Variants in FN3K observed in about 807,000 individuals in gnomAD.
The protein encoded by FN3K is fructosamine-3-kinase.
Under a neutral mutation model 24.8 loss-of-function variants are expected in FN3K, and 24 were observed. The ratio of observed to expected loss-of-function variants is 0.97; its 90% confidence interval spans 0.70 to 1.36. The LOEUF is 1.36. Among genes scored for constraint, FN3K ranks in the 40% most tolerant of loss-of-function variants. The pLI is 0.00. For missense variants in FN3K, 449 were observed against 416.7 expected, an observed-to-expected ratio of 1.08 and a Z score of -0.67; for synonymous variants, 192 against 175.2, an observed-to-expected ratio of 1.10 and a Z score of -0.76.
At position 82,751,097 on chromosome 17, in the gene FN3K, TCCCCGTC is replaced by T. The variant is rs1402904888; in HGVS notation, c.*353_*359del. On this transcript the variant is annotated 3_prime_UTR_variant, in exon 6 of 6. Coordinates refer to ENST00000300784, the MANE Select transcript of FN3K (RefSeq NM_022158.4). Reference sequence around the variant, plus strand: ...CCCGTCTCCCATCGCCGTCCCCCCGTCCCCGTCCCCCGTCCCCGTCCCCCCTGTCCCT... The same window carrying T: ...CCCGTCTCCCATCGCCGTCCCCCCGTCCCCGTCCCCGTCCCCCCTGTCCCT... 3.8e-4 allele frequency: 6 copies of T among 15,840 alleles called. 1 individual carries two copies. Among genetic ancestry groups the T allele is most frequent in the Admixed American group, 3.5e-3 (4 of 1,146 alleles). 1.0% of individuals were successfully genotyped at this position (15,840 alleles called of 1,614,324 possible).
Position 82,748,946 on chromosome 17 carries a change from G to A in FN3K, c.560G>A (p.Arg187Gln), listed in dbSNP as rs550674352. The change falls in exon 5 of 6, where the codon CGA becomes CAA. Residue 187 changes from arginine (R) to glutamine (Q), a missense_variant. Arg to Gln is a conservative substitution (Grantham distance 43). Transcript: ENST00000300784. ...CTCATTGAGAAGGACTATGCTGACCGAGAGGCACGAGAACTCTGGTCCCGG... is the reference window on the plus strand; with the variant it reads ...CTCATTGAGAAGGACTATGCTGACCAAGAGGCACGAGAACTCTGGTCCCGG... ...LDLIEKDYAD[R>Q]EARELWSRLQ... 1.1e-5 allele frequency: 18 copies of A among 1,614,186 alleles called. No homozygotes were observed. The highest frequency in any genetic ancestry group is 3.3e-5 in the South Asian group (3 of 91,078).
chr17:82,736,912 C>T (rs1377281175), intron 1 of FN3K, among the ~76,000 whole-genome samples: 3 of 152,222 alleles, frequency 2.0e-5, no homozygotes, highest in Non-Finnish European at 4.4e-5. Context: ...CAGGGTGAGA[C>T]CCCTCCTTCC....
At chr17:82,744,728 G>A (rs1482632587) in intron 4 of FN3K, among the ~76,000 whole-genome samples, 4 of 152,218 alleles carry the variant, frequency 2.6e-5, no homozygotes, top group African/African-American at 7.2e-5. Flanking sequence ...GTGTTTCTCC[G>A]AGAGGGGGAT....
At chr17:82,744,312 G>A (rs2046956582) in intron 4 of FN3K, among the ~76,000 whole-genome samples, 1 of 152,164 alleles carries the variant, frequency 6.6e-6, no homozygotes, top group South Asian at 2.1e-4. Flanking sequence ...GACATAAATT[G>A]CACCCATTTA....
At position 82,735,701 on chromosome 17, in the gene FN3K, C is replaced by G; in HGVS notation, c.65C>G (p.Ala22Gly). 1 of 1,546,530 alleles carries G rather than the reference C, an allele frequency of 6.5e-7. No individual in the cohort carries two copies. Among genetic ancestry groups the G allele is most frequent in the Non-Finnish European group, 8.7e-7 (1 of 1,148,200 alleles). ...CTGCGGGCCTTCGGCGGCCCCGGCGCCGGCTGCATCAGCGAGGGCCGAGCC... is the reference window on the plus strand; with the variant it reads ...CTGCGGGCCTTCGGCGGCCCCGGCGGCGGCTGCATCAGCGAGGGCCGAGCC... ...ATLRAFGGPG[A>G]GCISEGRAYD... Residue 22 changes from alanine (A) to glycine (G), a missense_variant, in exon 1 of 6, where the codon GCC (alanine) becomes GGC (glycine). Coordinates refer to ENST00000300784, the MANE Select transcript of FN3K (RefSeq NM_022158.4).
At chr17:82,737,265 A>C (rs1465277441) in intron 1 of FN3K, among the ~76,000 whole-genome samples, 2 of 152,070 alleles carry the variant, frequency 1.3e-5, no homozygotes, top group Non-Finnish European at 2.9e-5. Flanking sequence ...GCAGTCCTAC[A>C]CTTTGGGCGA....
At position 82,750,803 on chromosome 17, in the gene FN3K, C is replaced by G. The variant is rs1301549778; in HGVS notation, c.*48C>G. 2.7e-6 allele frequency: 4 copies of G among 1,503,822 alleles called. No homozygotes were observed. The South Asian group carries it at 3.5e-5, about 13-fold the overall frequency. 93.2% of individuals were successfully genotyped at this position (1,503,822 alleles called of 1,614,324 possible). ...TGTCCCCGTCCCCGTCTCCGTCTCC[C>G]CGTCCCTGTCCCCCCGTCCCCCGTC... On this transcript the variant is annotated 3_prime_UTR_variant, in exon 6 of 6. Coordinates refer to ENST00000300784, the MANE Select transcript of FN3K (RefSeq NM_022158.4).
chr17:82,747,625 T>G (rs1021586640), intron 4 of FN3K, among the ~76,000 whole-genome samples: 15 of 152,204 alleles, frequency 9.9e-5, no homozygotes, highest in African/African-American at 3.6e-4. Flanking sequence ...GGTTTTGATC[T>G]CTTGACCTCG....
chr17:82,742,700 A>C (rs905266253), intron 4 of FN3K: 5 of 456,170 alleles, frequency 1.1e-5, no homozygotes, highest in Admixed American at 4.7e-5. Flanking sequence ...TGGACAGCCC[A>C]ACTGCCCTGT....
At chr17:82,743,626 G>A (rs908802088) in intron 4 of FN3K, among the ~76,000 whole-genome samples, 2 of 152,212 alleles carry the variant, frequency 1.3e-5, no homozygotes, top group African/African-American at 2.4e-5. Flanking sequence ...TCTGTACACT[G>A]CCACATACAG....
chr17:82,751,004 TCCC>T lies in FN3K; in HGVS notation c.*252_*254del, dbSNP rs1237434561. On this transcript the variant is annotated 3_prime_UTR_variant, in exon 6 of 6. Coordinates refer to ENST00000300784, the MANE Select transcript of FN3K (RefSeq NM_022158.4). ...CCCTGTCCCCGACCCCCCATCCCCG[TCCC>T]CCATCTCCGTCCCCGTCCCCCCTGC... The T allele has an allele frequency of 3.6e-3, 409 of 113,020 alleles. 4 individuals are homozygous for T. Among genetic ancestry groups the T allele is most frequent in the Non-Finnish European group, 4.6e-3 (294 of 64,214 alleles). 7.0% of individuals were successfully genotyped at this position (113,020 alleles called of 1,614,324 possible).
In FN3K at chr17:82,750,437, T is replaced by A; in HGVS notation, c.612T>A (p.Phe204Leu). ...CGTAGGTGAAGATCCCGGATCTGTTTTGTGGCCTAGAGATTGTCCCCGCGT... is the reference window on the plus strand; with the variant it reads ...CGTAGGTGAAGATCCCGGATCTGTTATGTGGCCTAGAGATTGTCCCCGCGT... Reference protein sequence around the residue: ...SRLQVKIPDLFCGLEIVPALL... With the variant: ...SRLQVKIPDLLCGLEIVPALL... Residue 204 changes from phenylalanine (F) to leucine (L), a missense_variant, in exon 6 of 6, where the codon TTT becomes TTA. Coordinates refer to ENST00000300784, the MANE Select transcript of FN3K (RefSeq NM_022158.4). 6.2e-7 allele frequency: 1 copy of A among 1,614,146 alleles called. No homozygotes were observed. Among genetic ancestry groups the A allele is most frequent in the African/African-American group, 1.3e-5 (1 of 75,024 alleles).
chr17:82,747,111 C>T (rs2046972944), intron 4 of FN3K, among the ~76,000 whole-genome samples: 2 of 152,020 alleles, frequency 1.3e-5, no homozygotes, highest in South Asian at 4.2e-4. Context: ...GTGTGAGCCA[C>T]CGCGCCTGGC....
intron 5 of FN3K, chr17:82,749,411 T>C: frequency 3.2e-6 from 1 of 317,190 alleles, no homozygotes; most frequent in Non-Finnish European, 6.2e-6. Flanking sequence ...ACGCCTGTAA[T>C]CGCAGCATTT....
Position 82,740,848 on chromosome 17 carries a change from A to G in FN3K, c.379A>G (p.Thr127Ala). 3 of 1,611,834 alleles carry G rather than the reference A, an allele frequency of 1.9e-6. No individual in the cohort carries two copies. The highest frequency in any genetic ancestry group is 1.7e-4 in the Middle Eastern group (1 of 6,032). The change falls in exon 3 of 6, where the codon ACA (threonine) becomes GCA (alanine). Residue 127 changes from threonine (T) to alanine (A), a missense_variant. Transcript: ENST00000300784. ...LREKLKEEENTVGRRGEGAEP... is the reference protein window; with the variant it reads ...LREKLKEEENAVGRRGEGAEP... ...GGAGAAGTTGAAGGAGGAGGAGAAC[A>G]CAGTGGGTATGTTCAGATTGCTTTT...
At position 82,735,627 on chromosome 17, in the gene FN3K, C is replaced by A. The variant is rs984451561; in HGVS notation, c.-10C>A. 1.3e-6 allele frequency: 2 copies of A among 1,520,514 alleles called. No individual in the cohort carries two copies. Among genetic ancestry groups the A allele is most frequent in the African/African-American group, 2.9e-5 (2 of 69,650 alleles). 94.2% of individuals were successfully genotyped at this position (1,520,514 alleles called of 1,614,324 possible). ...CTTCCGAGCGAGCAGAGTCCCGCGC[C>A]CCGCACTCCATGGAGCAGCTGCTGC... On this transcript the variant is annotated 5_prime_UTR_variant, in exon 1 of 6. Coordinates refer to ENST00000300784, the MANE Select transcript of FN3K (RefSeq NM_022158.4).
At chr17:82,742,716 T>C (rs1994554) in intron 4 of FN3K, 455,090 of 456,280 alleles carry the variant, frequency 1, 226,963 homozygotes, top group Non-Finnish European at 1. Context: ...CCTGTGCTTC[T>C]CTTGAAGAAG....
chr17:82,738,906 T>C, intron 2 of FN3K, among the ~76,000 whole-genome samples: 1 of 106,644 alleles, frequency 9.4e-6, no homozygotes, highest in African/African-American at 4.4e-5. Context: ...TGAGGCTGCA[T>C]AAAATATATA....
chr17:82,747,949 A>C (rs1003551793), intron 4 of FN3K, among the ~76,000 whole-genome samples: 7 of 152,320 alleles, frequency 4.6e-5, no homozygotes, highest in African/African-American at 1.7e-4. Context: ...GGCACCATTG[A>C]GTCAATAGCA....
Sources: gnomAD v4.1 joint callset for allele counts (sites outside exome capture counted in the v4.1 genomes callset) on GRCh38, gnomAD v4.1.1 for gene constraint, MANE v1.5 for transcripts, NCBI Gene and HGNC (gene_info 2026-07-23, HGNC 2026-07-21) for gene names.